CRIM1: variants seen among roughly 807,000 people sequenced by gnomAD.
CRIM1 encodes cysteine-rich motor neuron 1 protein.
CRIM1 carries 32 observed loss-of-function variants against 116.4 expected under a neutral mutation model. The observed-to-expected ratio is 0.27, with a 90% CI of 0.21 to 0.37. CRIM1 has a LOEUF of 0.37. Ranked by LOEUF, CRIM1 falls within the 10% of genes least tolerant of loss-of-function variation. The pLI is 1.00. For missense variants in CRIM1, 1,331 were observed against 1,354.8 expected, an observed-to-expected ratio of 0.98 and a Z score of 0.28; for synonymous variants, 590 against 509.2, an observed-to-expected ratio of 1.16 and a Z score of -2.13.
chr2:36,518,666 A>G (rs977032877), intron 12 of CRIM1, among the ~76,000 whole-genome samples: 2 of 152,218 alleles, frequency 1.3e-5, no homozygotes, highest in Non-Finnish European at 2.9e-5. Context: ...CTTTTCTAGT[A>G]TAAGAAATAG....
intron 8 of CRIM1, among the ~76,000 whole-genome samples, chr2:36,501,592 A>G (rs1680999402): frequency 6.6e-6 from 1 of 152,174 alleles, no homozygotes; most frequent in African/African-American, 2.4e-5. Context: ...CATGATAGCA[A>G]GGGCCTGTAG....
intron 2 of CRIM1, among the ~76,000 whole-genome samples, chr2:36,430,193 G>GTA (rs1248074084): frequency 6.6e-6 from 1 of 152,186 alleles, no homozygotes; most frequent in Non-Finnish European, 1.5e-5. Flanking sequence ...TGAACAGGGA[G>GTA]TACTTTTTCC....
Position 36,464,690 on chromosome 2 carries a change from C to T in CRIM1, c.991+35C>T, listed in dbSNP as rs768192384. On this transcript the variant is annotated intron_variant, in intron 5 of 16. Transcript: ENST00000280527. ...GTTTCTCTTGTTCTCAGAGAGTGTACATTTGTGCAGAGGAGGAGGAGGGAG... is the reference window on the plus strand; with the variant it reads ...GTTTCTCTTGTTCTCAGAGAGTGTATATTTGTGCAGAGGAGGAGGAGGGAG... The T allele has an allele frequency of 3.1e-6, 5 of 1,607,294 alleles. No homozygotes were observed. The African/African-American group carries it at 6.7e-5, about 21-fold the overall frequency.
chr2:36,439,763 C>A (rs1015119427), intron 2 of CRIM1, among the ~76,000 whole-genome samples: 1 of 152,206 alleles, frequency 6.6e-6, no homozygotes, highest in East Asian at 1.9e-4. Flanking sequence ...CCAATTCCCT[C>A]TTACTCTGTT....
chr2:36,421,605 G>A (rs1475393458), intron 2 of CRIM1, among the ~76,000 whole-genome samples: 1 of 152,212 alleles, frequency 6.6e-6, no homozygotes, highest in African/African-American at 2.4e-5. Context: ...CGAAAAAGCA[G>A]TAGAATGAAG....
chr2:36,357,723 A>T (rs1411653071), intron 1 of CRIM1, among the ~76,000 whole-genome samples: 1 of 152,146 alleles, frequency 6.6e-6, no homozygotes, highest in East Asian at 1.9e-4. Context: ...GCGAGTGAGC[A>T]GAGCGCACGC....
chr2:36,356,356 G>A lies in CRIM1; in HGVS notation c.64G>A (p.Gly22Arg), dbSNP rs1468512140. The A allele has an allele frequency of 6.3e-7, 1 of 1,593,538 alleles. No individual in the cohort carries two copies. Among genetic ancestry groups the A allele is most frequent in the Non-Finnish European group, 8.5e-7 (1 of 1,172,528 alleles). ...GCGHLLVSLL[G>R]LLLLLARSGT... ...CGGGCACCTCCTGGTCTCGCTGCTGGGGCTGCTGCTGCTGCTGGCGCGCTC... is the reference window on the plus strand; with the variant it reads ...CGGGCACCTCCTGGTCTCGCTGCTGAGGCTGCTGCTGCTGCTGGCGCGCTC... Residue 22 changes from glycine to arginine, a missense_variant, in exon 1 of 17, where the codon GGG (glycine) becomes AGG (arginine). Transcript: ENST00000280527. The surrounding 1 kb of genome is among the most constrained non-coding windows in gnomAD (Gnocchi z 4.3).
chr2:36,546,342 T>G (rs1667328957), intron 15 of CRIM1, among the ~76,000 whole-genome samples: 1 of 152,168 alleles, frequency 6.6e-6, no homozygotes, highest in African/African-American at 2.4e-5. Flanking sequence ...CATTCATAAG[T>G]GCAAAACTAA....
chr2:36,402,735 A>G (rs562482084), intron 2 of CRIM1, among the ~76,000 whole-genome samples: 2 of 150,492 alleles, frequency 1.3e-5, no homozygotes, highest in East Asian at 3.9e-4. Flanking sequence ...CATTCGAGAT[A>G]CCATTGGAAA....
intron 1 of CRIM1, among the ~76,000 whole-genome samples, chr2:36,368,711 C>G (rs1669756163): frequency 6.6e-6 from 1 of 152,168 alleles, no homozygotes; most frequent in South Asian, 2.1e-4. Flanking sequence ...AACTCAGTGG[C>G]TAATTATTAC....
At chr2:36,537,669 A>T in intron 14 of CRIM1, 123 bp downstream of exon 14, 2 of 1,067,360 alleles carry the variant, frequency 1.9e-6, no homozygotes, top group Non-Finnish European at 2.6e-6. Flanking sequence ...TGTCAGGCCC[A>T]GTTAGCGCCT....
chr2:36,458,093 G>T (rs1197183245), intron 4 of CRIM1, among the ~76,000 whole-genome samples: 1 of 152,178 alleles, frequency 6.6e-6, no homozygotes, highest in Non-Finnish European at 1.5e-5. Context: ...AGTAGATCCA[G>T]TATTGAAAGA....
chr2:36,362,052 A>C (rs1669256838), intron 1 of CRIM1, among the ~76,000 whole-genome samples: 1 of 152,002 alleles, frequency 6.6e-6, no homozygotes. Flanking sequence ...GGTGAGGGGG[A>C]AACTAGGGAG....
intron 7 of CRIM1, among the ~76,000 whole-genome samples, chr2:36,495,475 A>T (rs372437384): frequency 0.041 from 5,324 of 129,334 alleles, 135 homozygotes; most frequent in Non-Finnish European, 0.051. Flanking sequence ...TTATTTATTT[A>T]TTTTTTTTTT....
intron 1 of CRIM1, among the ~76,000 whole-genome samples, chr2:36,389,863 G>C (rs1169018014): frequency 1.3e-5 from 2 of 152,172 alleles, no homozygotes; most frequent in African/African-American, 4.8e-5. Context: ...ACTCAGGCTA[G>C]TGTTGCCACA....
chr2:36,437,658 A>G (rs2124924149), intron 2 of CRIM1, among the ~76,000 whole-genome samples: 1 of 152,334 alleles, frequency 6.6e-6, no homozygotes, highest in Non-Finnish European at 1.5e-5. Flanking sequence ...TAACATTCTT[A>G]CATCCCTTCT....
At chr2:36,510,174 A>G (rs1572896552) in intron 9 of CRIM1, 35 bp downstream of exon 9, 1 of 1,590,370 alleles carries the variant, frequency 6.3e-7, no homozygotes, top group Non-Finnish European at 8.6e-7. Context: ...GCTATTATGA[A>G]GTGCAACTTG....
chr2:36,492,804 T>C (rs144852224), intron 7 of CRIM1, among the ~76,000 whole-genome samples: 23 of 152,322 alleles, frequency 1.5e-4, no homozygotes, highest in African/African-American at 5.1e-4. Flanking sequence ...TCCTACTCAT[T>C]GGATATTCAC....
At chr2:36,396,463 T>C in intron 1 of CRIM1, 151 bp from the exon 2 acceptor site, 1 of 523,464 alleles carries the variant, frequency 1.9e-6, no homozygotes, top group Non-Finnish European at 3.4e-6. Context: ...TTGGGTTTCA[T>C]TCATTTGTAA....
Sources: allele counts gnomAD v4.1 joint callset (sites outside exome capture counted in the v4.1 genomes callset), GRCh38; gene constraint gnomAD v4.1.1; non-coding constraint Gnocchi (gnomAD v3.1); transcripts MANE v1.5; gene names NCBI Gene and HGNC (gene_info 2026-07-23, HGNC 2026-07-21).